Variants in MAP7 observed in about 807,000 individuals in gnomAD.
MAP7 encodes the protein microtubule associated protein 7.
MAP7 carries 52 observed loss-of-function variants against 94.8 expected under a neutral mutation model. The observed-to-expected ratio is 0.55, with a 90% CI of 0.44 to 0.69. The LOEUF (loss-of-function observed/expected upper bound fraction) is 0.69. Ranked by LOEUF, MAP7 falls within the 30% of genes least tolerant of loss-of-function variation. The pLI is 0.00. For synonymous variants in MAP7, 350 were observed against 357.0 expected (o/e 0.98, Z 0.22); for missense variants, 940 against 964.6 (o/e 0.97, Z 0.34).
intron 1 of MAP7, among the ~76,000 whole-genome samples, chr6:136,509,545 A>T (rs1351786353): frequency 6.6e-6 from 1 of 151,862 alleles, no homozygotes; most frequent in African/African-American, 2.4e-5. Flanking sequence ...GTGTCACTGT[A>T]CCCAGTTTCG....
intron 1 of MAP7, among the ~76,000 whole-genome samples, chr6:136,476,962 A>G (rs1455532539): frequency 6.6e-6 from 1 of 152,216 alleles, no homozygotes; most frequent in Non-Finnish European, 1.5e-5. Flanking sequence ...AAAAATCACT[A>G]TTTGGCAACC....
chr6:136,456,849 GGAAGAAGAAGAAGAA>G (rs1325119971), intron 1 of MAP7, among the ~76,000 whole-genome samples: 3 of 72,412 alleles, frequency 4.1e-5, no homozygotes, highest in Non-Finnish European at 8.1e-5. Context: ...AAGAAGAAGA[GGAAGAAGAAGAAGAA>G]GAAGAAGAAA....
chr6:136,496,941 G>A (rs1403500815), intron 1 of MAP7, among the ~76,000 whole-genome samples: 4 of 151,390 alleles, frequency 2.6e-5, no homozygotes, highest in African/African-American at 4.9e-5. Context: ...GCAACAGGGC[G>A]AGACTCCATC....
intron 1 of MAP7, among the ~76,000 whole-genome samples, chr6:136,450,591 C>A (rs1800800213): frequency 6.6e-6 from 1 of 151,954 alleles, no homozygotes; most frequent in Admixed American, 6.6e-5. Flanking sequence ...TCGAGACCAG[C>A]CTGACCAACA....
intron 15 of MAP7, among the ~76,000 whole-genome samples, 158 bp downstream of exon 15, chr6:136,359,662 A>G (rs1791966183): frequency 2.0e-5 from 3 of 152,200 alleles, no homozygotes; most frequent in Admixed American, 2.0e-4. Flanking sequence ...AGTTTTACAT[A>G]AGAGGAAGGA....
intron 1 of MAP7, among the ~76,000 whole-genome samples, chr6:136,481,208 T>G (rs1164634880): frequency 6.6e-6 from 1 of 152,190 alleles, no homozygotes; most frequent in Non-Finnish European, 1.5e-5. Context: ...GAGAACAGTA[T>G]GAAGGTTCTA....
chr6:136,348,958 G>A (rs1788413112), intron 16 of MAP7, among the ~76,000 whole-genome samples: 1 of 152,194 alleles, frequency 6.6e-6, no homozygotes, highest in South Asian at 2.1e-4. Flanking sequence ...TATCTGTATA[G>A]GCAGCAGAGC....
At chr6:136,445,787 T>C (rs1799149502) in intron 1 of MAP7, among the ~76,000 whole-genome samples, 1 of 152,222 alleles carries the variant, frequency 6.6e-6, no homozygotes, top group Admixed American at 6.5e-5. Context: ...TTCCAAAATC[T>C]ATCCCTGTAT....
intron 16 of MAP7, among the ~76,000 whole-genome samples, chr6:136,355,527 C>A (rs1345365875): frequency 6.6e-6 from 1 of 152,050 alleles, no homozygotes; most frequent in Non-Finnish European, 1.5e-5. Flanking sequence ...AGGGACTTAC[C>A]TTTTAACTGC....
At chr6:136,420,443 C>A in intron 2 of MAP7, 1 of 494,124 alleles carries the variant, frequency 2.0e-6, no homozygotes, top group South Asian at 2.6e-5. Context: ...GATTTTCATG[C>A]TAAAGAATTT....
At chr6:136,452,804 C>T (rs1379725519) in intron 1 of MAP7, among the ~76,000 whole-genome samples, 2 of 152,162 alleles carry the variant, frequency 1.3e-5, no homozygotes, top group Non-Finnish European at 1.5e-5. Context: ...CTGCCCTCCT[C>T]GTCTTTCCAA....
chr6:136,456,822 G>GAAAGAAGAAGAAGAAGAA (rs1554259490), intron 1 of MAP7, among the ~76,000 whole-genome samples: 1 of 69,024 alleles, frequency 1.4e-5, no homozygotes, highest in African/African-American at 6.4e-5. Flanking sequence ...AGAAGAAGAA[G>GAAAGAAGAAGAAGAAGAA]GAAGAAGAAG....
chr6:136,349,631 TA>T (rs2128522390), intron 16 of MAP7, among the ~76,000 whole-genome samples: 1 of 152,272 alleles, frequency 6.6e-6, no homozygotes, highest in Non-Finnish European at 1.5e-5. Context: ...CTAGACCTGC[TA>T]AAGTGCTGGG....
intron 1 of MAP7, among the ~76,000 whole-genome samples, chr6:136,478,626 C>G (rs932883281): frequency 3.3e-5 from 5 of 151,740 alleles, no homozygotes; most frequent in Admixed American, 1.3e-4. Context: ...GCATTACAAC[C>G]AATATTGCAG....
At chr6:136,348,471 C>T (rs1788287464) in intron 16 of MAP7, among the ~76,000 whole-genome samples, 1 of 152,120 alleles carries the variant, frequency 6.6e-6, no homozygotes, top group South Asian at 2.1e-4. Flanking sequence ...AGTATGGATC[C>T]GTGTGTCCAC....
intron 1 of MAP7, among the ~76,000 whole-genome samples, chr6:136,516,502 G>T (rs944261063): frequency 1.3e-5 from 2 of 152,114 alleles, no homozygotes; most frequent in African/African-American, 2.4e-5. Flanking sequence ...TGTTGACCAG[G>T]GAGAGTGAAG....
At chr6:136,467,828 A>G (rs1807607238) in intron 1 of MAP7, among the ~76,000 whole-genome samples, 1 of 152,162 alleles carries the variant, frequency 6.6e-6, no homozygotes, top group African/African-American at 2.4e-5. Flanking sequence ...CAGTGGGCCC[A>G]ATGTGAAAAG....
intron 1 of MAP7, among the ~76,000 whole-genome samples, chr6:136,457,865 A>G (rs998579089): frequency 2.0e-5 from 3 of 152,150 alleles, no homozygotes; most frequent in Non-Finnish European, 2.9e-5. Context: ...GTGAAAAACT[A>G]TACCTTTAAG....
At chr6:136,423,791 T>TG (rs1554252895) in intron 1 of MAP7, among the ~76,000 whole-genome samples, 25 of 141,468 alleles carry the variant, frequency 1.8e-4, no homozygotes, top group South Asian at 1.7e-3. Flanking sequence ...TGTTTTTTTT[T>TG]TTTGTTTTTT....
Sources: allele counts gnomAD v4.1 joint callset (sites outside exome capture counted in the v4.1 genomes callset), GRCh38; gene constraint gnomAD v4.1.1; transcripts MANE v1.5; gene names NCBI Gene and HGNC (gene_info 2026-07-23, HGNC 2026-07-21).